LIX1: variants seen among roughly 807,000 people sequenced by gnomAD.
LIX1 encodes the protein protein limb expression 1 homolog.
Under a neutral mutation model 33.4 loss-of-function variants are expected in LIX1, and 24 were observed. The ratio of observed to expected loss-of-function variants is 0.72; its 90% CI spans 0.52 to 1.01. The LOEUF is 1.01. Among genes scored for constraint, LIX1 ranks in the 50% least tolerant of loss-of-function variants. The probability of loss-of-function intolerance (pLI) is 0.00; values close to 1 mark genes in which losing one functional copy is unlikely to be tolerated. For missense variants in LIX1, 311 were observed against 339.2 expected (o/e 0.92, Z 0.65); for synonymous variants, 124 against 124.0 (o/e 1.00, Z 0.00).
rs115682023 is a variant in LIX1 at position 97,101,396 on chromosome 5, C to T, written c.483+3794G>A. Reference sequence around the variant, plus strand: ...GAGGTCTGTGCAGCTGTACAGGGCCCCTGCTTTGTTTAGTGCTCTGCTATC... The same window carrying T: ...GAGGTCTGTGCAGCTGTACAGGGCCTCTGCTTTGTTTAGTGCTCTGCTATC... On this transcript the variant is annotated intron_variant, in intron 4 of 5. Transcript: ENST00000274382. Among the ~76,000 whole-genome samples the T allele has an allele frequency of 7.7e-3, 1,173 of 152,234 alleles. 19 individuals carry two copies. The highest frequency in any genetic ancestry group is 0.027 in the African/African-American group (1,118 of 41,516).
chr5:97,102,067 G>A (rs900791806), intron 4 of LIX1: 1 of 152,134 alleles, frequency 6.6e-6, no homozygotes, highest in African/African-American at 2.4e-5. Flanking sequence ...ACCAACAGCA[G>A]GCAATTTTCT....
chr5:97,096,592 A>G (rs1023583070), intron 5 of LIX1, among the ~76,000 whole-genome samples: 1 of 152,186 alleles, frequency 6.6e-6, no homozygotes, highest in Non-Finnish European at 1.5e-5. Context: ...AGGTATCTAA[A>G]TCAGTCCTGT....
In LIX1 at chr5:97,124,476, C is replaced by T; in HGVS notation, c.236G>A (p.Gly79Asp). 1 of 1,600,932 alleles carries T rather than the reference C, an allele frequency of 6.2e-7. No homozygotes were observed. Among genetic ancestry groups the T allele is most frequent in the South Asian group, 1.1e-5 (1 of 88,688 alleles). The change falls in exon 2 of 6, where the codon GGC becomes GAC. Residue 79 changes from glycine to aspartate, a missense_variant. Physicochemically the swap from Gly to Asp is moderately conservative, Grantham distance 94 (BLOSUM62 -1). Coordinates refer to ENST00000274382, the MANE Select transcript of LIX1 (RefSeq NM_153234.5). ...ATGGCTACTTCTTACCTGAAAGTTGCCAAAACAGCTTCCCCCTGGGAGGGT... is the reference window on the plus strand; with the variant it reads ...ATGGCTACTTCTTACCTGAAAGTTGTCAAAACAGCTTCCCCCTGGGAGGGT... ...YVTLPGGSCFGNFQCCLSRAE... is the reference protein window; with the variant it reads ...YVTLPGGSCFDNFQCCLSRAE...
intron 1 of LIX1, among the ~76,000 whole-genome samples, chr5:97,136,446 C>T (rs778027449): frequency 1.1e-4 from 16 of 152,176 alleles, no homozygotes; most frequent in Non-Finnish European, 1.5e-4. Flanking sequence ...GAAAAATCAA[C>T]CATTGGCAAT....
At chr5:97,122,752 C>T (rs1190190459) in intron 2 of LIX1, among the ~76,000 whole-genome samples, 1 of 152,114 alleles carries the variant, frequency 6.6e-6, no homozygotes, top group African/African-American at 2.4e-5. Flanking sequence ...CCCCGCTGGA[C>T]AATAGGCAAT....
intron 2 of LIX1, among the ~76,000 whole-genome samples, chr5:97,114,968 G>A (rs1747598507): frequency 6.6e-6 from 1 of 152,168 alleles, no homozygotes; most frequent in Non-Finnish European, 1.5e-5. Flanking sequence ...AAGAGTCAAG[G>A]AAAGTAGCAT....
chr5:97,095,106 C>T (rs906368416), intron 5 of LIX1, 71 bp from the exon 6 acceptor site: 7 of 1,381,442 alleles, frequency 5.1e-6, no homozygotes, highest in Non-Finnish European at 7.0e-6. Context: ...ATGCCTCCCC[C>T]TGCTTCCCAC....
At chr5:97,116,481 C>T (rs1221775684) in intron 2 of LIX1, among the ~76,000 whole-genome samples, 2 of 151,990 alleles carry the variant, frequency 1.3e-5, no homozygotes, top group East Asian at 3.9e-4. Context: ...AGAGAAAACT[C>T]ACCAGTTCCT....
intron 1 of LIX1, among the ~76,000 whole-genome samples, chr5:97,140,242 G>T (rs777401228): frequency 2.6e-5 from 4 of 152,158 alleles, no homozygotes; most frequent in African/African-American, 9.7e-5. Flanking sequence ...GTGTGTGTTT[G>T]TGTGTTTGTG....
At chr5:97,106,712 A>T (rs538941174) in intron 3 of LIX1, among the ~76,000 whole-genome samples, 3 of 147,090 alleles carry the variant, frequency 2.0e-5, no homozygotes, top group African/African-American at 8.1e-5. Context: ...TATATTGCTT[A>T]AAAAAAAATC....
chr5:97,134,990 C>T (rs1237640039), intron 1 of LIX1, among the ~76,000 whole-genome samples: 2 of 152,186 alleles, frequency 1.3e-5, no homozygotes, highest in African/African-American at 4.8e-5. Flanking sequence ...TAACTCTTCA[C>T]CAACTGGAAA....
chr5:97,121,461 T>A (rs1747784364), intron 2 of LIX1, among the ~76,000 whole-genome samples: 1 of 152,204 alleles, frequency 6.6e-6, no homozygotes, highest in Non-Finnish European at 1.5e-5. Flanking sequence ...CTGTCTTCCA[T>A]CTCTGTCTTT....
At chr5:97,128,478 C>G (rs1193565617) in intron 1 of LIX1, among the ~76,000 whole-genome samples, 4 of 152,106 alleles carry the variant, frequency 2.6e-5, no homozygotes. Flanking sequence ...AGCTATTCTC[C>G]TTGAATGATA....
At position 97,142,591 on chromosome 5, in the gene LIX1, T is replaced by C. The variant is rs948883866; in HGVS notation, c.-15A>G. The C allele has an allele frequency of 5.6e-6, 9 of 1,608,218 alleles. No homozygotes were observed. The African/African-American group carries it at 1.1e-4, about 19-fold the overall frequency. On this transcript the variant is annotated 5_prime_UTR_variant, in exon 1 of 6. Coordinates refer to ENST00000274382, the MANE Select transcript of LIX1 (RefSeq NM_153234.5). ...GTTCTGTCCATCTTGGGTCTGCCTG[T>C]GTGAGCCTCCTGTACAGAGTGTCCT...
chr5:97,119,898 A>G (rs1747738746), intron 2 of LIX1, among the ~76,000 whole-genome samples: 1 of 152,172 alleles, frequency 6.6e-6, no homozygotes, highest in African/African-American at 2.4e-5. Flanking sequence ...TCTTACACTC[A>G]TATCTTCTAG....
chr5:97,119,219 A>G (rs907440451), intron 2 of LIX1, among the ~76,000 whole-genome samples: 2 of 152,186 alleles, frequency 1.3e-5, no homozygotes, highest in Non-Finnish European at 2.9e-5. Flanking sequence ...TACTGCTGGC[A>G]TAATGGTTTC....
chr5:97,139,596 A>G lies in LIX1; in HGVS notation c.82+2899T>C, dbSNP rs141387223. Among the ~76,000 whole-genome samples the G allele has an allele frequency of 2.5e-3, 376 of 152,364 alleles. 1 individual carries two copies. The highest frequency in any genetic ancestry group is 8.7e-3 in the African/African-American group (361 of 41,588). On this transcript the variant is annotated intron_variant, in intron 1 of 5. Transcript: ENST00000274382. ...CACAAAGCCAAGAATGGAAAGCAAT[A>G]TGGAGACAAGCTATACTTTGCAGAG...
intron 4 of LIX1, among the ~76,000 whole-genome samples, chr5:97,104,058 T>C (rs1428792809): frequency 6.6e-6 from 1 of 150,884 alleles, no homozygotes; most frequent in Non-Finnish European, 1.5e-5. Flanking sequence ...GCTAATAAAA[T>C]AATATTTATT....
At chr5:97,107,982 G>C (rs532544980) in intron 2 of LIX1, among the ~76,000 whole-genome samples, 2 of 152,272 alleles carry the variant, frequency 1.3e-5, no homozygotes, top group African/African-American at 4.8e-5. Flanking sequence ...ATAAGACCTT[G>C]AGTAGGTTCA....
Sources: allele counts gnomAD v4.1 joint callset (sites outside exome capture counted in the v4.1 genomes callset), GRCh38; gene constraint gnomAD v4.1.1; transcripts MANE v1.5; gene names NCBI Gene and HGNC (gene_info 2026-07-23, HGNC 2026-07-21).